Variants in GRIP1 observed in about 807,000 individuals in gnomAD.
GRIP1 encodes the protein glutamate receptor interacting protein 1, also known as glutamate receptor-interacting protein 1.
A neutral mutation model predicts 129.9 loss-of-function variants in GRIP1; 45 were observed. The ratio of observed to expected loss-of-function variants is 0.35; its 90% confidence interval spans 0.27 to 0.44. The LOEUF (loss-of-function observed/expected upper bound fraction) is 0.44. Ranked by LOEUF, GRIP1 falls within the 20% of genes least tolerant of loss-of-function variation. The pLI, the probability that GRIP1 is intolerant of heterozygous loss-of-function variation, is 1.00. For missense variants in GRIP1, 1,196 were observed against 1,396.8 expected (o/e 0.86, Z 2.29); for synonymous variants, 530 against 520.8 (o/e 1.02, Z -0.24).
intron 9 of GRIP1, among the ~76,000 whole-genome samples, chr12:66,459,303 C>T (rs892713573): frequency 6.6e-6 from 1 of 152,160 alleles, no homozygotes; most frequent in Non-Finnish European, 1.5e-5. Context: ...TCTCTCTCAC[C>T]ATCCTCATTC....
At chr12:67,057,436 T>TAA (rs71088237) in intron 1 of GRIP1, among the ~76,000 whole-genome samples, 5,305 of 126,714 alleles carry the variant, frequency 0.042, 261 homozygotes, top group African/African-American at 0.12. Context: ...TCCAAGAACG[T>TAA]AAAAAAAAAA....
At chr12:66,941,998 T>C (rs2041594211) in intron 1 of GRIP1, among the ~76,000 whole-genome samples, 1 of 152,190 alleles carries the variant, frequency 6.6e-6, no homozygotes, top group South Asian at 2.1e-4. Flanking sequence ...TAAAACAGAA[T>C]TTCTACTCTG....
intron 23 of GRIP1, among the ~76,000 whole-genome samples, chr12:66,360,200 T>G (rs2054686530): frequency 6.6e-6 from 1 of 151,090 alleles, no homozygotes; most frequent in Non-Finnish European, 1.5e-5. Context: ...TTTCGACATG[T>G]AATCTCCTAG....
At chr12:66,737,560 G>C (rs543352520) in intron 1 of GRIP1, among the ~76,000 whole-genome samples, 4 of 152,242 alleles carry the variant, frequency 2.6e-5, no homozygotes, top group African/African-American at 9.6e-5. Flanking sequence ...AGGATTACAG[G>C]CATGAGCTCA....
chr12:66,399,573 G>A (rs759099786), intron 16 of GRIP1, among the ~76,000 whole-genome samples: 13 of 151,954 alleles, frequency 8.6e-5, no homozygotes, highest in Non-Finnish European at 1.9e-4. Context: ...GACAGGAAAG[G>A]GGGCAAGCCT....
intron 1 of GRIP1, among the ~76,000 whole-genome samples, chr12:66,739,831 A>T (rs2036732291): frequency 6.6e-6 from 1 of 152,160 alleles, no homozygotes; most frequent in Admixed American, 6.5e-5. Context: ...AGAATAAGGA[A>T]TAATACTGAA....
chr12:66,514,178 C>T (rs890704006), intron 7 of GRIP1, among the ~76,000 whole-genome samples: 3 of 152,140 alleles, frequency 2.0e-5, no homozygotes, highest in African/African-American at 7.2e-5. Context: ...TTGCAAGCTT[C>T]ATAAGAGCAG....
intron 2 of GRIP1, among the ~76,000 whole-genome samples, chr12:66,582,104 T>G (rs1480395691): frequency 1.3e-5 from 2 of 152,032 alleles, no homozygotes; most frequent in African/African-American, 4.8e-5. Flanking sequence ...ATTCAATATA[T>G]GCAAATCAAT....
At chr12:66,875,472 T>G (rs1370571887) in intron 1 of GRIP1, among the ~76,000 whole-genome samples, 1 of 152,094 alleles carries the variant, frequency 6.6e-6, no homozygotes. Context: ...TCCTTTGTGG[T>G]TGCTAGGGCT....
intron 1 of GRIP1, among the ~76,000 whole-genome samples, chr12:66,999,920 T>A (rs2042525998): frequency 6.6e-6 from 1 of 152,142 alleles, no homozygotes; most frequent in African/African-American, 2.4e-5. Context: ...ATAATTTTTC[T>A]CACGCTGTTC....
rs531371936 is a variant in GRIP1, at chr12:66,500,367, C to T, written c.724+15252G>A. 4.1e-3 allele frequency among the ~76,000 whole-genome samples: 622 copies of T among 152,188 alleles called. 2 individuals are homozygous for T. The highest frequency in any genetic ancestry group is 4.6e-3 in the Non-Finnish European group (310 of 67,998). ...GAAAAACATAGTAAAACCTCGGTGA[C>T]AAATCATTAGGTGTTCAGTGTGGCT... On this transcript the variant is annotated intron_variant, in intron 7 of 24. Coordinates refer to ENST00000359742, the MANE Select transcript of GRIP1 (RefSeq NM_001366722.1).
At chr12:67,069,142 C>G (rs1257884461) in exon 1 of GRIP1, 6 of 984,164 alleles carry the variant, frequency 6.1e-6, no homozygotes, top group Non-Finnish European at 7.2e-6. Flanking sequence ...CGGGCTCGCT[C>G]TTTCTCGCTG....
chr12:66,965,548 A>AG (rs2041983646), intron 1 of GRIP1, among the ~76,000 whole-genome samples: 2 of 97,136 alleles, frequency 2.1e-5, no homozygotes, highest in Non-Finnish European at 4.1e-5. Flanking sequence ...GAAAAGAAAC[A>AG]TTGTGTGTGT....
Position 66,590,452 on chromosome 12 carries a change from G to A in GRIP1, c.136+6395C>T, listed in dbSNP as rs992907092. 2.6e-5 allele frequency among the ~76,000 whole-genome samples: 4 copies of A among 152,166 alleles called. No individual in the cohort carries two copies. The South Asian group carries it at 8.3e-4, about 32-fold the overall frequency. ...CCTTGTGCTATTTGAGGAGCACTCA[G>A]TATGTACTCCCAGCCACATAGCAAA... On this transcript the variant is annotated intron_variant, in intron 2 of 24. Coordinates refer to ENST00000359742, the MANE Select transcript of GRIP1 (RefSeq NM_001366722.1).
At chr12:66,402,351 A>G (rs1271672907) in intron 16 of GRIP1, among the ~76,000 whole-genome samples, 1 of 152,226 alleles carries the variant, frequency 6.6e-6, no homozygotes, top group African/African-American at 2.4e-5. Flanking sequence ...CTGGTAGTCC[A>G]TGGCACATTG....
chr12:66,704,306 A>C (rs554162346), intron 1 of GRIP1, among the ~76,000 whole-genome samples: 3 of 152,054 alleles, frequency 2.0e-5, no homozygotes, highest in Non-Finnish European at 4.4e-5. Flanking sequence ...TTATTAAAAA[A>C]CAGATTTTTA....
intron 1 of GRIP1, among the ~76,000 whole-genome samples, chr12:66,766,184 T>A (rs2037631195): frequency 6.6e-6 from 1 of 152,222 alleles, no homozygotes; most frequent in African/African-American, 2.4e-5. Flanking sequence ...TCAACAAGAA[T>A]TGAAATATCA....
At chr12:66,973,903 G>C (rs2042112152) in intron 1 of GRIP1, among the ~76,000 whole-genome samples, 1 of 137,958 alleles carries the variant, frequency 7.2e-6, no homozygotes, top group African/African-American at 2.6e-5. Context: ...CAGTTAGAAG[G>C]CTTTTCTTTT....
chr12:66,823,069 A>G (rs1208552209), intron 1 of GRIP1, among the ~76,000 whole-genome samples: 1 of 152,204 alleles, frequency 6.6e-6, no homozygotes, highest in Non-Finnish European at 1.5e-5. Context: ...AGACCTAGTA[A>G]TTAGTTCCAG....
Sources: gnomAD v4.1 joint callset for allele counts (sites outside exome capture counted in the v4.1 genomes callset) on GRCh38, gnomAD v4.1.1 for gene constraint, MANE v1.5 for transcripts, NCBI Gene and HGNC (gene_info 2026-07-23, HGNC 2026-07-21) for gene names.